ARHGAP32: variants seen among roughly 807,000 people sequenced by gnomAD.
ARHGAP32 encodes the protein Rho GTPase activating protein 32.
Under a neutral mutation model 186.5 loss-of-function variants are expected in ARHGAP32, and 51 were observed. The ratio of observed to expected loss-of-function variants is 0.27; its 90% CI spans 0.22 to 0.35. The LOEUF (loss-of-function observed/expected upper bound fraction) is 0.35, where lower values mean the gene tolerates loss of function less well. ARHGAP32 is among the 10% of genes least tolerant of loss of function. The pLI is 1.00. For synonymous variants in ARHGAP32, 950 were observed against 964.3 expected (o/e 0.99, Z 0.27); for missense variants, 2,186 against 2,623.5 (o/e 0.83, Z 3.64).
intron 1 of ARHGAP32, among the ~76,000 whole-genome samples, chr11:129,231,893 T>A (rs1944863723): frequency 6.6e-6 from 1 of 151,502 alleles, no homozygotes; most frequent in Non-Finnish European, 1.5e-5. Context: ...GGCCTGATGG[T>A]ACACACCTGT....
At chr11:129,191,487 A>G (rs1180237303) in intron 1 of ARHGAP32, among the ~76,000 whole-genome samples, 4 of 152,186 alleles carry the variant, frequency 2.6e-5, no homozygotes, top group Non-Finnish European at 5.9e-5. Flanking sequence ...AAAAACTTCA[A>G]TTATGAAGTT....
rs531039186 is a variant in ARHGAP32, at chr11:129,081,679, G to A, written c.531+11942C>T. ...AGGTAAAAGTTGAAAGTATTCCCCC[G>A]AGAACTGGAACAAGACAAGGATGCC... is the stretch of plus-strand genomic sequence containing the variant. On this transcript the variant is annotated intron_variant, in intron 6 of 22. Transcript: ENST00000682385. Among the ~76,000 whole-genome samples the A allele has an allele frequency of 8.6e-5, 13 of 151,720 alleles. No individual in the cohort carries two copies. The East Asian group carries it at 9.7e-4, about 11-fold the overall frequency.
chr11:129,083,664 A>C (rs1941292352), intron 6 of ARHGAP32, among the ~76,000 whole-genome samples: 1 of 152,220 alleles, frequency 6.6e-6, no homozygotes. Context: ...ATCACCACTA[A>C]AGAACTTATC....
intron 11 of ARHGAP32, among the ~76,000 whole-genome samples, chr11:129,004,365 T>C (rs1248338940): frequency 6.6e-6 from 1 of 151,426 alleles, no homozygotes; most frequent in Admixed American, 6.6e-5. Context: ...TTGGATGAAG[T>C]GTCCTGTAAA....
intron 1 of ARHGAP32, among the ~76,000 whole-genome samples, chr11:129,237,461 T>A (rs969632237): frequency 5.3e-5 from 8 of 152,166 alleles, no homozygotes; most frequent in Admixed American, 2.6e-4. Flanking sequence ...TAAAGGATTA[T>A]TTATTGGGTA....
chr11:129,057,537 A>G (rs970454568), intron 10 of ARHGAP32, among the ~76,000 whole-genome samples: 2 of 152,050 alleles, frequency 1.3e-5, no homozygotes, highest in South Asian at 2.1e-4. Context: ...GAAACTCAGG[A>G]TGCGACTACA....
chr11:129,177,121 C>A (rs909113259), intron 1 of ARHGAP32, among the ~76,000 whole-genome samples: 17 of 151,066 alleles, frequency 1.1e-4, no homozygotes, highest in African/African-American at 3.9e-4. Flanking sequence ...ACCGATCCCA[C>A]AGAAATACAA....
chr11:129,157,623 C>T (rs914503936), intron 2 of ARHGAP32, among the ~76,000 whole-genome samples: 7 of 152,012 alleles, frequency 4.6e-5, no homozygotes, highest in East Asian at 1.9e-4. Flanking sequence ...CTGAAAGTGA[C>T]GAGGAGAATG....
At chr11:129,235,385 G>C (rs1158314878) in intron 1 of ARHGAP32, among the ~76,000 whole-genome samples, 2 of 152,092 alleles carry the variant, frequency 1.3e-5, no homozygotes, top group African/African-American at 4.8e-5. Context: ...TCTTGCCTGA[G>C]CTCCTACCCT....
chr11:129,132,770 T>A (rs113217391), intron 2 of ARHGAP32, among the ~76,000 whole-genome samples: 2,795 of 152,216 alleles, frequency 0.018, 90 homozygotes, highest in African/African-American at 0.062. Context: ...AAATCTGAAA[T>A]GAAACAGATT....
At chr11:129,114,988 A>G (rs1942324082) in intron 5 of ARHGAP32, among the ~76,000 whole-genome samples, 1 of 152,116 alleles carries the variant, frequency 6.6e-6, no homozygotes, top group Non-Finnish European at 1.5e-5. Context: ...ACCATTCACC[A>G]AAGCCTAATC....
At chr11:129,047,944 G>A (rs757186243) in intron 10 of ARHGAP32, among the ~76,000 whole-genome samples, 11 of 152,186 alleles carry the variant, frequency 7.2e-5, no homozygotes, top group Non-Finnish European at 1.3e-4. Context: ...AACAACAGTT[G>A]CTACACACCA....
chr11:129,086,509 G>A (rs1941397797), intron 6 of ARHGAP32, among the ~76,000 whole-genome samples: 1 of 152,094 alleles, frequency 6.6e-6, no homozygotes, highest in South Asian at 2.1e-4. Flanking sequence ...GCCATAAATC[G>A]ACAGAAAATA....
intron 10 of ARHGAP32, among the ~76,000 whole-genome samples, chr11:129,043,568 A>G (rs1939690603): frequency 1.3e-5 from 2 of 151,538 alleles, no homozygotes; most frequent in African/African-American, 4.8e-5. Flanking sequence ...TTGCATTTTT[A>G]GTAGAGATGG....
chr11:129,272,382 A>T (rs2135729271), intron 1 of ARHGAP32, among the ~76,000 whole-genome samples: 1 of 152,318 alleles, frequency 6.6e-6, no homozygotes, highest in African/African-American at 2.4e-5. Context: ...AATATGCCCC[A>T]TCAGTGCATT....
chr11:129,195,939 T>A (rs576572529), upstream of ARHGAP32, among the ~76,000 whole-genome samples: 8 of 152,278 alleles, frequency 5.3e-5, no homozygotes, highest in African/African-American at 1.9e-4. Flanking sequence ...TTCTTCCTGA[T>A]TTGTTTAAAC....
intron 10 of ARHGAP32, among the ~76,000 whole-genome samples, chr11:129,057,541 G>A (rs982088908): frequency 5.3e-5 from 8 of 151,830 alleles, no homozygotes; most frequent in South Asian, 2.1e-4. Context: ...CTCAGGATGC[G>A]ACTACAGTCA....
intron 1 of ARHGAP32, among the ~76,000 whole-genome samples, chr11:129,209,568 A>G (rs1944554691): frequency 6.6e-6 from 1 of 152,212 alleles, no homozygotes; most frequent in Non-Finnish European, 1.5e-5. Context: ...CTTATGTCAG[A>G]AATGGCTTGG....
rs183562518 is a variant in ARHGAP32, at chr11:129,158,914, C to T, written c.225+5405G>A. ...CAGGATTAAGAAACTCACTCAAAAC[C>T]GCACAACTACATGGAAACTGAACAA... On this transcript the variant is annotated intron_variant, in intron 2 of 22. Transcript: ENST00000682385. 6.4e-3 allele frequency among the ~76,000 whole-genome samples: 973 copies of T among 152,200 alleles called. 12 individuals are homozygous for T. The highest frequency in any genetic ancestry group is 0.022 in the African/African-American group (928 of 41,522).
Sources: allele counts gnomAD v4.1 joint callset (sites outside exome capture counted in the v4.1 genomes callset), GRCh38; gene constraint gnomAD v4.1.1; transcripts MANE v1.5; gene names NCBI Gene and HGNC (gene_info 2026-07-23, HGNC 2026-07-21).